ADAMTS12: variants seen among roughly 807,000 people sequenced by gnomAD.
ADAMTS12 encodes ADAM metallopeptidase with thrombospondin type 1 motif 12.
ADAMTS12 carries 118 observed loss-of-function variants against 167.8 expected under a neutral mutation model. That is an observed-to-expected ratio of 0.70 (90% CI 0.61 to 0.82). ADAMTS12 has a LOEUF of 0.82. Among genes scored for constraint, ADAMTS12 ranks in the 40% least tolerant of loss-of-function variants. The pLI, the probability that ADAMTS12 is intolerant of heterozygous loss-of-function variation, is 0.00. For missense variants in ADAMTS12, 1,916 were observed against 1,998.8 expected (o/e 0.96, Z 0.79); for synonymous variants, 704 against 716.9 (o/e 0.98, Z 0.29).
intron 22 of ADAMTS12, among the ~76,000 whole-genome samples, chr5:33,542,999 G>A (rs390129): frequency 0.41 from 62,357 of 151,960 alleles, 13,808 homozygotes; most frequent in East Asian, 0.76. Flanking sequence ...CAGAAGGCAA[G>A]AAATAACTAA....
chr5:33,819,292 A>G (rs957823584), intron 2 of ADAMTS12, among the ~76,000 whole-genome samples: 3 of 152,132 alleles, frequency 2.0e-5, no homozygotes, highest in Admixed American at 2.0e-4. Flanking sequence ...TTATTTTGTC[A>G]GTGGAAATCT....
intron 3 of ADAMTS12, among the ~76,000 whole-genome samples, chr5:33,686,754 C>T (rs1742339564): frequency 6.6e-6 from 1 of 150,842 alleles, no homozygotes; most frequent in Admixed American, 6.6e-5. Context: ...AAGATATATA[C>T]ACCTCTCTCT....
intron 3 of ADAMTS12, among the ~76,000 whole-genome samples, chr5:33,715,352 C>T (rs1895440): frequency 0.6 from 91,225 of 151,826 alleles, 28,927 homozygotes; most frequent in Non-Finnish European, 0.71. Flanking sequence ...GTCTTCAGAC[C>T]TTAGCAAGTT....
At chr5:33,844,876 C>T (rs1336432154) in intron 2 of ADAMTS12, among the ~76,000 whole-genome samples, 1 of 152,158 alleles carries the variant, frequency 6.6e-6, no homozygotes. Flanking sequence ...TGTACTCTGT[C>T]CCTTTATTTC....
intron 2 of ADAMTS12, among the ~76,000 whole-genome samples, chr5:33,870,911 A>G (rs1750016650): frequency 6.6e-6 from 1 of 152,156 alleles, no homozygotes; most frequent in African/African-American, 2.4e-5. Flanking sequence ...ATCCTCAATC[A>G]TGCTTCTTGT....
At chr5:33,531,835 T>C (rs1057280844) in intron 23 of ADAMTS12, among the ~76,000 whole-genome samples, 35 of 152,166 alleles carry the variant, frequency 2.3e-4, no homozygotes, top group African/African-American at 8.0e-4. Context: ...TGCAAGGTCC[T>C]GGGGCCCCAC....
chr5:33,683,551 C>T (rs1394304213), intron 4 of ADAMTS12, among the ~76,000 whole-genome samples: 1 of 152,122 alleles, frequency 6.6e-6, no homozygotes. Flanking sequence ...CAGTTTACTC[C>T]TTCGGTTTAC....
chr5:33,754,829 C>G (rs577966010), intron 2 of ADAMTS12, among the ~76,000 whole-genome samples: 2 of 152,152 alleles, frequency 1.3e-5, no homozygotes, highest in South Asian at 2.1e-4. Flanking sequence ...GCACTCCAGC[C>G]TGGGAGACAA....
intron 18 of ADAMTS12, among the ~76,000 whole-genome samples, chr5:33,586,498 G>A (rs1322072010): frequency 6.6e-6 from 1 of 152,198 alleles, no homozygotes; most frequent in Non-Finnish European, 1.5e-5. Flanking sequence ...AGACCCAAGT[G>A]CTTCTTACAT....
At chr5:33,874,596 T>C (rs910226759) in intron 2 of ADAMTS12, among the ~76,000 whole-genome samples, 3 of 152,168 alleles carry the variant, frequency 2.0e-5, no homozygotes, top group Admixed American at 6.5e-5. Flanking sequence ...CCTAAATGAG[T>C]TGAAAACTCT....
rs754977302 is a variant in ADAMTS12, at chr5:33,549,253, C to T, written c.4256G>A (p.Cys1419Tyr). Residue 1419 changes from cysteine to tyrosine, a missense_variant, in exon 21 of 24, where the codon TGT becomes TAT. Transcript: ENST00000504830. Reference protein sequence around the residue: ...AGIPPPLSMSCNPEPCEAWQV... With the variant: ...AGIPPPLSMSYNPEPCEAWQV... ...CCACGCCTCACAGGGCTCCGGGTTACAGCTCATGCTCAATGGGGGAGGAAT... is the reference window on the plus strand; with the variant it reads ...CCACGCCTCACAGGGCTCCGGGTTATAGCTCATGCTCAATGGGGGAGGAAT... 12 of 1,614,212 alleles carry T rather than the reference C, an allele frequency of 7.4e-6. No individual in the cohort carries two copies. The highest frequency in any genetic ancestry group is 7.6e-6 in the Non-Finnish European group (9 of 1,180,030).
At chr5:33,733,752 T>C (rs190976191) in intron 3 of ADAMTS12, among the ~76,000 whole-genome samples, 109 of 152,238 alleles carry the variant, frequency 7.2e-4, no homozygotes, top group African/African-American at 2.6e-3. Context: ...TAAACCATCA[T>C]TCCATGTGGC....
At position 33,770,766 on chromosome 5, in the gene ADAMTS12, C is replaced by T. The variant is rs114010476; in HGVS notation, c.490-19218G>A. On this transcript the variant is annotated intron_variant, in intron 2 of 23. Transcript: ENST00000504830. Reference sequence around the variant, plus strand: ...TGTTCAGAGCTCCCAACCAGCACTCCCTATCCTCCCTGCTTTCTTCTTCTC... The same window carrying T: ...TGTTCAGAGCTCCCAACCAGCACTCTCTATCCTCCCTGCTTTCTTCTTCTC... 7.9e-3 allele frequency among the ~76,000 whole-genome samples: 1,202 copies of T among 152,036 alleles called. 17 individuals carry two copies. Among genetic ancestry groups the T allele is most frequent in the African/African-American group, 0.028 (1,152 of 41,478 alleles).
chr5:33,579,399 C>T (rs1449700719), intron 18 of ADAMTS12, among the ~76,000 whole-genome samples: 2 of 152,220 alleles, frequency 1.3e-5, no homozygotes, highest in Non-Finnish European at 2.9e-5. Flanking sequence ...CTTTCCTTTC[C>T]ATGAAGTATT....
Position 33,662,524 on chromosome 5 carries a change from C to T in ADAMTS12, c.916-484G>A, listed in dbSNP as rs911250487. Among the ~76,000 whole-genome samples, 8 of 152,202 alleles carry T rather than the reference C, an allele frequency of 5.3e-5. No individual in the cohort carries two copies. The East Asian group carries it at 1.5e-3, about 29-fold the overall frequency. On this transcript the variant is annotated intron_variant, in intron 5 of 23. Coordinates refer to ENST00000504830, the MANE Select transcript of ADAMTS12 (RefSeq NM_030955.4). ...ACCCTTGAATTTTATTTTGGTTTGA[C>T]ACCCATGGGTGAAGGACAGTGGATG...
intron 3 of ADAMTS12, among the ~76,000 whole-genome samples, chr5:33,728,395 A>G (rs1258261345): frequency 6.6e-6 from 1 of 152,174 alleles, no homozygotes; most frequent in Non-Finnish European, 1.5e-5. Flanking sequence ...TGGCTGTGGG[A>G]TGAGACCTTG....
chr5:33,706,898 CA>C (rs1181179607), intron 3 of ADAMTS12, among the ~76,000 whole-genome samples: 1 of 152,128 alleles, frequency 6.6e-6, no homozygotes, highest in Non-Finnish European at 1.5e-5. Context: ...TGGAACAAGA[CA>C]AGTATGCCCT....
intron 2 of ADAMTS12, among the ~76,000 whole-genome samples, chr5:33,866,732 C>G (rs905359706): frequency 6.6e-6 from 1 of 151,650 alleles, no homozygotes. Context: ...CTACAAGGAA[C>G]TCAAAAAAAT....
chr5:33,538,213 G>A (rs1276133532), intron 22 of ADAMTS12, among the ~76,000 whole-genome samples: 1 of 152,234 alleles, frequency 6.6e-6, no homozygotes, highest in Admixed American at 6.5e-5. Flanking sequence ...TGGTGGAAGG[G>A]AAGAGGCACA....
Sources: gnomAD v4.1 joint callset for allele counts (sites outside exome capture counted in the v4.1 genomes callset) on GRCh38, gnomAD v4.1.1 for gene constraint, MANE v1.5 for transcripts, NCBI Gene and HGNC (gene_info 2026-07-23, HGNC 2026-07-21) for gene names.